The following SOX6 variants were observed in gnomAD, a reference collection of about 807,000 sequenced individuals.
SOX6 encodes the protein SRY-box transcription factor 6.
A neutral mutation model predicts 97.8 loss-of-function variants in SOX6; 11 were observed. The ratio of observed to expected loss-of-function variants is 0.11; its 90% CI spans 0.07 to 0.19. The LOEUF (loss-of-function observed/expected upper bound fraction) is 0.19. SOX6 is among the 10% of genes least tolerant of loss of function. SOX6 has a pLI of 1.00. For synonymous variants in SOX6, 360 were observed against 371.4 expected, an observed-to-expected ratio of 0.97 and a Z score of 0.35; for missense variants, 810 against 1,039.5, an observed-to-expected ratio of 0.78 and a Z score of 3.04.
rs1238591607 is a variant in SOX6, at chr11:16,321,099, T to C, written c.238-2446A>G. On this transcript the variant is annotated intron_variant, in intron 2 of 15. Transcript: ENST00000683767. ...GAATGTCCAGTTCATTCTCCACTTG[T>C]GTGAATGAAAATGCAGAGATATATT... 2.0e-5 allele frequency among the ~76,000 whole-genome samples: 3 copies of C among 152,208 alleles called. No individual in the cohort carries two copies. The East Asian group carries it at 5.8e-4, about 30-fold the overall frequency.
intron 3 of SOX6, among the ~76,000 whole-genome samples, chr11:16,273,836 G>T (rs1192386238): frequency 4.6e-5 from 7 of 151,464 alleles, no homozygotes; most frequent in African/African-American, 1.7e-4. Context: ...CCAACTAAAA[G>T]AAAAAGTGAA....
At chr11:16,270,267 G>A (rs1854212072) in intron 3 of SOX6, among the ~76,000 whole-genome samples, 2 of 151,274 alleles carry the variant, frequency 1.3e-5, no homozygotes, top group Admixed American at 1.3e-4. Flanking sequence ...CTTGGGAAAT[G>A]CAAATCACAA....
intron 1 of SOX6, among the ~76,000 whole-genome samples, chr11:16,391,077 C>A (rs1858164236): frequency 6.6e-6 from 1 of 152,140 alleles, no homozygotes; most frequent in South Asian, 2.1e-4. Context: ...TCATTCTCAG[C>A]AAACTATCAC....
intron 1 of SOX6, among the ~76,000 whole-genome samples, chr11:16,375,278 T>C (rs1315186991): frequency 6.6e-6 from 1 of 152,112 alleles, no homozygotes; most frequent in Non-Finnish European, 1.5e-5. Flanking sequence ...CATCTTCTCA[T>C]CACACCTAAT....
At chr11:16,552,775 A>G (rs1462405608) in intron 4 of SOX6, among the ~76,000 whole-genome samples, 2 of 152,210 alleles carry the variant, frequency 1.3e-5, no homozygotes, top group Non-Finnish European at 2.9e-5. Context: ...AAGGAGATCT[A>G]AAAGGTTAGA....
chr11:16,044,940 T>TTATC (rs900944083), intron 12 of SOX6, among the ~76,000 whole-genome samples: 1 of 149,428 alleles, frequency 6.7e-6, no homozygotes, highest in Admixed American at 6.7e-5. Context: ...AAGTTCAAAT[T>TTATC]TATCTATCTA....
chr11:16,519,309 A>G (rs1861019952), intron 4 of SOX6, among the ~76,000 whole-genome samples: 1 of 152,124 alleles, frequency 6.6e-6, no homozygotes, highest in South Asian at 2.1e-4. Context: ...AACAGTAAAC[A>G]TTGTACCCAA....
At chr11:16,034,437 A>T (rs978844259) in intron 12 of SOX6, among the ~76,000 whole-genome samples, 4 of 152,216 alleles carry the variant, frequency 2.6e-5, no homozygotes. Context: ...TCTTAGTTGC[A>T]AATGTCAAAG....
At chr11:16,689,935 T>C (rs1250107313) in intron 3 of SOX6, among the ~76,000 whole-genome samples, 1 of 151,922 alleles carries the variant, frequency 6.6e-6, no homozygotes, top group Non-Finnish European at 1.5e-5. Flanking sequence ...ATGGCTTTTT[T>C]TTTTTTTTTG....
chr11:16,700,911 C>T (rs1481748804), intron 3 of SOX6, among the ~76,000 whole-genome samples: 1 of 152,118 alleles, frequency 6.6e-6, no homozygotes. Context: ...GAATTGTTTC[C>T]TGCTAGGGCC....
intron 6 of SOX6, among the ~76,000 whole-genome samples, chr11:16,177,879 T>C (rs2134093666): frequency 6.6e-6 from 1 of 152,056 alleles, no homozygotes; most frequent in East Asian, 1.9e-4. Flanking sequence ...TCCACTTTAA[T>C]TCCGGAAAGA....
chr11:16,614,154 C>T (rs1487116862), intron 3 of SOX6, among the ~76,000 whole-genome samples: 1 of 152,192 alleles, frequency 6.6e-6, no homozygotes, highest in East Asian at 1.9e-4. Flanking sequence ...ACACTAACTC[C>T]CAGGGCAGTG....
chr11:16,737,322 T>G (rs1419029969), intron 1 of SOX6, among the ~76,000 whole-genome samples: 1 of 152,176 alleles, frequency 6.6e-6, no homozygotes, highest in Admixed American at 6.5e-5. Flanking sequence ...TTCTCCTGCC[T>G]CAGCCTCCCG....
intron 1 of SOX6, among the ~76,000 whole-genome samples, chr11:16,365,702 G>A (rs765343513): frequency 6.6e-6 from 1 of 152,026 alleles, no homozygotes; most frequent in Non-Finnish European, 1.5e-5. Context: ...AATGCCAAAT[G>A]TATAGAAATT....
At chr11:16,086,450 A>G (rs537461772) in intron 9 of SOX6, among the ~76,000 whole-genome samples, 1 of 152,276 alleles carries the variant, frequency 6.6e-6, no homozygotes, top group East Asian at 1.9e-4. Flanking sequence ...TCCTGGCCTG[A>G]GGCAGGCATC....
At chr11:16,449,868 T>A (rs1859688215) in intron 1 of SOX6, among the ~76,000 whole-genome samples, 1 of 152,174 alleles carries the variant, frequency 6.6e-6, no homozygotes, top group South Asian at 2.1e-4. Flanking sequence ...CAAAAATTCA[T>A]CAGAATAATG....
At chr11:16,321,804 C>T (rs563776728) in intron 2 of SOX6, among the ~76,000 whole-genome samples, 13 of 152,162 alleles carry the variant, frequency 8.5e-5, no homozygotes, top group East Asian at 3.9e-4. Context: ...CGGCTTAAGT[C>T]GCGTGTTATG....
intron 13 of SOX6, among the ~76,000 whole-genome samples, chr11:16,013,504 T>C (rs767710970): frequency 6.6e-6 from 1 of 151,938 alleles, no homozygotes; most frequent in Non-Finnish European, 1.5e-5. Context: ...CCTATGAAAA[T>C]AATGGGCTGT....
chr11:16,682,997 G>A (rs1847940433), intron 3 of SOX6, among the ~76,000 whole-genome samples: 1 of 152,138 alleles, frequency 6.6e-6, no homozygotes, highest in Non-Finnish European at 1.5e-5. Context: ...ATTACAAAGA[G>A]AATAAAATAC....
Sources: allele counts gnomAD v4.1 joint callset (sites outside exome capture counted in the v4.1 genomes callset), GRCh38; gene constraint gnomAD v4.1.1; transcripts MANE v1.5; gene names NCBI Gene and HGNC (gene_info 2026-07-23, HGNC 2026-07-21).